ESRRG: variants seen among roughly 807,000 people sequenced by gnomAD.
ESRRG encodes the protein estrogen-related receptor gamma.
A neutral mutation model predicts 44.0 loss-of-function variants in ESRRG; 13 were observed. The ratio of observed to expected loss-of-function variants is 0.30; its 90% CI spans 0.19 to 0.47. The LOEUF is 0.47. ESRRG is among the 20% of genes least tolerant of loss of function. The pLI is 1.00. For missense variants in ESRRG, 395 were observed against 580.6 expected, an observed-to-expected ratio of 0.68 and a Z score of 3.29; for synonymous variants, 215 against 214.6, an observed-to-expected ratio of 1.00 and a Z score of -0.02.
intron 2 of ESRRG, among the ~76,000 whole-genome samples, chr1:216,830,188 A>T (rs538855311): frequency 1.3e-5 from 2 of 152,322 alleles, no homozygotes; most frequent in South Asian, 4.1e-4. Context: ...CACATTAATA[A>T]CGTAGTTAAT....
At chr1:216,777,717 G>C (rs1026954687) in intron 2 of ESRRG, among the ~76,000 whole-genome samples, 3 of 152,090 alleles carry the variant, frequency 2.0e-5, no homozygotes, top group Admixed American at 6.6e-5. Context: ...TAGTCCTATT[G>C]TAAGTAATCC....
At chr1:216,828,939 A>G (rs2095441455) in intron 2 of ESRRG, among the ~76,000 whole-genome samples, 1 of 152,182 alleles carries the variant, frequency 6.6e-6, no homozygotes, top group Admixed American at 6.5e-5. Flanking sequence ...TCAATGCCCC[A>G]TGGTTAGGGA....
chr1:216,711,730 A>C (rs2151973824), intron 1 of ESRRG, among the ~76,000 whole-genome samples: 1 of 152,354 alleles, frequency 6.6e-6, no homozygotes, highest in East Asian at 1.9e-4. Context: ...AAAAGTTGCT[A>C]AAAATGATAT....
intron 3 of ESRRG, among the ~76,000 whole-genome samples, chr1:216,622,020 GACTACTGTCT>G (rs1198407810): frequency 6.6e-6 from 1 of 152,186 alleles, no homozygotes; most frequent in African/African-American, 2.4e-5. Flanking sequence ...TGAGCTGGAT[GACTACTGTCT>G]ACAAACTACA....
intron 2 of ESRRG, among the ~76,000 whole-genome samples, chr1:216,853,435 C>T (rs1367650768): frequency 6.6e-6 from 1 of 152,180 alleles, no homozygotes; most frequent in African/African-American, 2.4e-5. Flanking sequence ...TACTTGAGAT[C>T]TTTCCTATTT....
chr1:217,041,924 T>G (rs2083927914), intron 1 of ESRRG, among the ~76,000 whole-genome samples: 1 of 152,236 alleles, frequency 6.6e-6, no homozygotes, highest in African/African-American at 2.4e-5. Flanking sequence ...TAGGGTTATA[T>G]TCAAAGCAAT....
At chr1:217,101,640 G>T (rs1194577328) in intron 1 of ESRRG, among the ~76,000 whole-genome samples, 2 of 152,046 alleles carry the variant, frequency 1.3e-5, no homozygotes, top group Admixed American at 6.5e-5. Flanking sequence ...TATCTCAAAT[G>T]CTTTCTCCTA....
At chr1:216,682,095 C>T (rs926826763) in intron 1 of ESRRG, 1 of 152,182 alleles carries the variant, frequency 6.6e-6, no homozygotes, top group Admixed American at 6.5e-5. Flanking sequence ...AAGTTCTTAA[C>T]AAGCAGCTGT....
chr1:216,520,586 G>C (rs1258789699), intron 5 of ESRRG, among the ~76,000 whole-genome samples: 1 of 152,120 alleles, frequency 6.6e-6, no homozygotes, highest in African/African-American at 2.4e-5. Flanking sequence ...CTGATGATCA[G>C]AAGCTTTTCT....
At chr1:216,673,251 C>G (rs982957626) in intron 2 of ESRRG, among the ~76,000 whole-genome samples, 11 of 152,192 alleles carry the variant, frequency 7.2e-5, no homozygotes, top group African/African-American at 2.7e-4. Context: ...CCGTATTTGG[C>G]CACAGAAAGG....
intron 5 of ESRRG, among the ~76,000 whole-genome samples, chr1:216,562,501 C>G (rs951121743): frequency 2.6e-5 from 4 of 151,864 alleles, no homozygotes; most frequent in African/African-American, 9.7e-5. Flanking sequence ...GAGGGTCAGG[C>G]TGGGGCGATT....
At chr1:217,107,540 G>A (rs1381517938) in intron 1 of ESRRG, among the ~76,000 whole-genome samples, 1 of 152,216 alleles carries the variant, frequency 6.6e-6, no homozygotes, top group African/African-American at 2.4e-5. Flanking sequence ...ACAGACATAG[G>A]AAAAGGTATC....
intron 1 of ESRRG, among the ~76,000 whole-genome samples, chr1:216,974,137 CA>C (rs1372622640): frequency 6.6e-6 from 1 of 152,110 alleles, no homozygotes; most frequent in Non-Finnish European, 1.5e-5. Flanking sequence ...AGGTAACTTT[CA>C]ACTATATTCA....
intron 1 of ESRRG, among the ~76,000 whole-genome samples, chr1:217,097,300 G>A (rs1198340081): frequency 5.3e-5 from 8 of 152,058 alleles, no homozygotes; most frequent in East Asian, 1.9e-4. Context: ...TAAAAAAAAG[G>A]CACCTCTCTA....
intron 3 of ESRRG, among the ~76,000 whole-genome samples, chr1:216,617,261 C>T (rs1467179348): frequency 3.3e-5 from 5 of 152,012 alleles, no homozygotes; most frequent in Non-Finnish European, 5.9e-5. Context: ...CTTGAGAATG[C>T]CATTAAAAGA....
chr1:216,679,699 A>T (rs1359817909), intron 1 of ESRRG, among the ~76,000 whole-genome samples: 4 of 146,622 alleles, frequency 2.7e-5, no homozygotes, highest in African/African-American at 5.1e-5. Flanking sequence ...CTCTTTTTAA[A>T]TTTTTTTTCC....
At chr1:216,851,778 G>T (rs6656008) in intron 2 of ESRRG, among the ~76,000 whole-genome samples, 39,582 of 152,032 alleles carry the variant, frequency 0.26, 5,931 homozygotes, top group African/African-American at 0.4. Context: ...TCATTGACCC[G>T]GCTAAGGATC....
chr1:216,912,183 A>AAGGAAAAGAAG, intron 2 of ESRRG, among the ~76,000 whole-genome samples: 1 of 21,156 alleles, frequency 4.7e-5, no homozygotes, highest in Non-Finnish European at 7.9e-5. Context: ...AAGAAAAGAA[A>AAGGAAAAGAAG]AGGAGAGGAG....
chr1:216,857,718 AT>A (rs1559888548), intron 2 of ESRRG, among the ~76,000 whole-genome samples: 1 of 131,220 alleles, frequency 7.6e-6, no homozygotes, highest in African/African-American at 3.5e-5. Context: ...ACAAAGCCAG[AT>A]TTAAAAAAAA....
Sources: gnomAD v4.1 joint callset for allele counts (sites outside exome capture counted in the v4.1 genomes callset) on GRCh38, gnomAD v4.1.1 for gene constraint, MANE v1.5 for transcripts, NCBI Gene and HGNC (gene_info 2026-07-23, HGNC 2026-07-21) for gene names.